Variants in SLC30A6 observed in about 807,000 individuals in gnomAD.
SLC30A6 encodes the protein zinc transporter 6.
In SLC30A6, 55 loss-of-function variants were observed where a neutral mutation model predicts 63.0. The ratio of observed to expected loss-of-function variants is 0.87; its 90% confidence interval spans 0.70 to 1.09. SLC30A6 has a LOEUF of 1.09. SLC30A6 is among the 50% of genes least tolerant of loss of function. The pLI is 0.00. For missense variants in SLC30A6, 587 were observed against 549.2 expected (o/e 1.07, Z -0.69); for synonymous variants, 224 against 186.1 (o/e 1.20, Z -1.66).
intron 4 of SLC30A6, among the ~76,000 whole-genome samples, chr2:32,182,164 G>C (rs1198270371): frequency 2.0e-5 from 3 of 151,642 alleles, no homozygotes; most frequent in Non-Finnish European, 4.4e-5. Context: ...TGTACTCTTG[G>C]GCTCTCAAGT....
chr2:32,177,801 G>A lies in SLC30A6; in HGVS notation c.218+2440G>A, dbSNP rs1490178123. Among the ~76,000 whole-genome samples, 4 of 150,936 alleles carry A rather than the reference G, an allele frequency of 2.7e-5. No homozygotes were observed. The East Asian group carries it at 7.8e-4, about 30-fold the overall frequency. On this transcript the variant is annotated intron_variant, in intron 4 of 13. Transcript: ENST00000282587. ...GAGCCACCATGCCCAATTAGTTTTT[G>A]TATTTTTAGTAGAGACAGGGTTTTC...
At chr2:32,211,687 G>A (rs544374104) in intron 13 of SLC30A6, among the ~76,000 whole-genome samples, 2 of 151,896 alleles carry the variant, frequency 1.3e-5, no homozygotes, top group South Asian at 2.1e-4. Context: ...GTGCAATCTC[G>A]GCTCACTGCA....
At chr2:32,180,540 C>G (rs1682211824) in intron 4 of SLC30A6, among the ~76,000 whole-genome samples, 1 of 152,092 alleles carries the variant, frequency 6.6e-6, no homozygotes, top group Non-Finnish European at 1.5e-5. Flanking sequence ...TCAAGCGATT[C>G]TCCTGTCTTA....
At chr2:32,180,833 A>G (rs1682245005) in intron 4 of SLC30A6, among the ~76,000 whole-genome samples, 1 of 152,244 alleles carries the variant, frequency 6.6e-6, no homozygotes, top group South Asian at 2.1e-4. Flanking sequence ...AAATTTTAAA[A>G]CTAAAGTAAT....
Position 32,206,937 on chromosome 2 carries a change from A to G in SLC30A6, c.816+4A>G, listed in dbSNP as rs746200447. Reference sequence around the variant, plus strand: ...GTTGGACAAACTCATCAGAGAGGTAAGATGGAATAGTAAATAAAATCATTT... The same window carrying G: ...GTTGGACAAACTCATCAGAGAGGTAGGATGGAATAGTAAATAAAATCATTT... On this transcript the variant is annotated splice_donor_region_variant and intron_variant, in intron 12 of 13. Transcript: ENST00000282587. 9.4e-6 allele frequency: 15 copies of G among 1,601,188 alleles called. No individual in the cohort carries two copies. The highest frequency in any genetic ancestry group is 2.2e-5 in the East Asian group (1 of 44,772).
At chr2:32,206,038 C>A (rs212679) in intron 11 of SLC30A6, among the ~76,000 whole-genome samples, 87,110 of 151,842 alleles carry the variant, frequency 0.57, 25,280 homozygotes, top group Non-Finnish European at 0.6. Flanking sequence ...CTGCTTATGA[C>A]TATTTTATTA....
chr2:32,213,292 T>C (rs1685414819), intron 13 of SLC30A6, among the ~76,000 whole-genome samples: 1 of 145,788 alleles, frequency 6.9e-6, no homozygotes, highest in Non-Finnish European at 1.5e-5. Flanking sequence ...TGTTTCTTTT[T>C]GATATGGAGC....
chr2:32,172,704 C>A (rs1313543331), intron 2 of SLC30A6, among the ~76,000 whole-genome samples: 1 of 149,680 alleles, frequency 6.7e-6, no homozygotes, highest in Non-Finnish European at 1.5e-5. Flanking sequence ...TCAGACAGAC[C>A]ATTAGTGCTG....
intron 13 of SLC30A6, among the ~76,000 whole-genome samples, chr2:32,212,744 A>T (rs1177603996): frequency 6.6e-6 from 1 of 151,418 alleles, no homozygotes; most frequent in Non-Finnish European, 1.5e-5. Flanking sequence ...CTACAGGTGC[A>T]TGCCACCATG....
chr2:32,213,809 TTGTTTTTG>T (rs1685463674), intron 13 of SLC30A6, among the ~76,000 whole-genome samples: 1 of 109,838 alleles, frequency 9.1e-6, no homozygotes, highest in African/African-American at 3.6e-5. Context: ...TTTTTTTTTT[TTGTTTTTG>T]TTTTGAGACG....
At chr2:32,218,305 A>G (rs1685880016) in intron 13 of SLC30A6, among the ~76,000 whole-genome samples, 1 of 152,174 alleles carries the variant, frequency 6.6e-6, no homozygotes, top group African/African-American at 2.4e-5. Flanking sequence ...TTTATGGTAA[A>G]CACTTTTTCA....
At chr2:32,195,652 A>G (rs1004585071) in intron 8 of SLC30A6, among the ~76,000 whole-genome samples, 2 of 150,370 alleles carry the variant, frequency 1.3e-5, no homozygotes, top group Non-Finnish European at 3.0e-5. Flanking sequence ...TGCCAAATTT[A>G]TTTCCAGAAA....
intron 5 of SLC30A6, among the ~76,000 whole-genome samples, chr2:32,185,801 G>T (rs952219224): frequency 1.3e-5 from 2 of 151,450 alleles, no homozygotes; most frequent in Non-Finnish European, 2.9e-5. Flanking sequence ...CTCACTGCAG[G>T]CTCTGCCTTC....
rs924020145 is a variant in SLC30A6, at chr2:32,223,104, G to A, written c.*2391G>A. ...GTCCTGCATGTAAGATGTTACAGGG[G>A]ACATTGGGCCAGGCATTATTATATA... On this transcript the variant is annotated 3_prime_UTR_variant, in exon 14 of 14. Coordinates refer to ENST00000282587, the MANE Select transcript of SLC30A6 (RefSeq NM_017964.5). 2 of 152,210 alleles carry A rather than the reference G, an allele frequency of 1.3e-5. No individual in the cohort carries two copies. The highest frequency in any genetic ancestry group is 4.8e-5 in the African/African-American group (2 of 41,454). The allele number at this position is 152,210 out of a possible 1,614,324, so 9.4% of individuals were successfully genotyped here.
intron 2 of SLC30A6, 70 bp from the exon 3 acceptor site, chr2:32,173,993 G>A: frequency 1.7e-6 from 2 of 1,160,704 alleles, no homozygotes; most frequent in Non-Finnish European, 1.3e-6. Flanking sequence ...AGTATAAATT[G>A]TAGCAACTTG....
chr2:32,202,922 G>T, intron 10 of SLC30A6: 3 of 1,099,846 alleles, frequency 2.7e-6, no homozygotes, highest in Non-Finnish European at 4.2e-6. Context: ...GGTCTCAGAG[G>T]CCAGCAGTTA....
chr2:32,219,591 T>C (rs970922456), intron 13 of SLC30A6, among the ~76,000 whole-genome samples: 1 of 151,714 alleles, frequency 6.6e-6, no homozygotes, highest in Non-Finnish European at 1.5e-5. Context: ...CACGCCACTA[T>C]GCCTGGCTAA....
chr2:32,175,566 T>C (rs35978916), intron 4 of SLC30A6, among the ~76,000 whole-genome samples: 36,545 of 152,100 alleles, frequency 0.24, 4,770 homozygotes, highest in East Asian at 0.46. Flanking sequence ...GGCAAATCTA[T>C]GGAGAGAAAA....
At chr2:32,181,933 C>CTTTTTTTTT in intron 4 of SLC30A6, among the ~76,000 whole-genome samples, 1 of 122,934 alleles carries the variant, frequency 8.1e-6, no homozygotes, top group Non-Finnish European at 1.7e-5. Context: ...TTTTTCTTTT[C>CTTTTTTTTT]TTTTTTTTTT....
Sources: gnomAD v4.1 joint callset for allele counts (sites outside exome capture counted in the v4.1 genomes callset) on GRCh38, gnomAD v4.1.1 for gene constraint, MANE v1.5 for transcripts, NCBI Gene and HGNC (gene_info 2026-07-23, HGNC 2026-07-21) for gene names.